AGBL1: variants seen among roughly 807,000 people sequenced by gnomAD.
The protein encoded by AGBL1 is cytosolic carboxypeptidase 4.
A neutral mutation model predicts 118.9 loss-of-function variants in AGBL1; 130 were observed. The observed-to-expected ratio is 1.09, with a 90% CI of 0.95 to 1.26. The LOEUF (loss-of-function observed/expected upper bound fraction) is 1.26. Among genes scored for constraint, AGBL1 ranks in the 50% most tolerant of loss-of-function variants. The pLI is 0.00. For synonymous variants in AGBL1, 555 were observed against 478.9 expected, an observed-to-expected ratio of 1.16 and a Z score of -2.08; for missense variants, 1,584 against 1,298.1, an observed-to-expected ratio of 1.22 and a Z score of -3.38.
At chr15:86,509,209 T>G (rs1412243149) in intron 18 of AGBL1, among the ~76,000 whole-genome samples, 1 of 152,072 alleles carries the variant, frequency 6.6e-6, no homozygotes, top group Admixed American at 6.6e-5. Flanking sequence ...TGCTACAGAT[T>G]GTAGTCAAAG....
At chr15:86,577,242 G>A (rs577611702) in intron 21 of AGBL1, among the ~76,000 whole-genome samples, 1 of 152,236 alleles carries the variant, frequency 6.6e-6, no homozygotes, top group African/African-American at 2.4e-5. Context: ...TGGAGCAAAA[G>A]TGACTCTTGT....
At chr15:87,008,096 G>A (rs1268435704) in intron 24 of AGBL1, among the ~76,000 whole-genome samples, 1 of 152,214 alleles carries the variant, frequency 6.6e-6, no homozygotes, top group African/African-American at 2.4e-5. Context: ...TAGCTGGTAA[G>A]GCATTATTTC....
At chr15:86,950,590 C>A (rs532826975) in intron 23 of AGBL1, among the ~76,000 whole-genome samples, 2 of 151,238 alleles carry the variant, frequency 1.3e-5, no homozygotes, top group East Asian at 3.9e-4. Flanking sequence ...TTAAGCTCTA[C>A]TAAAATTAAG....
chr15:86,239,333 G>A lies in AGBL1; in HGVS notation c.527-8338G>A, dbSNP rs115957856. Among the ~76,000 whole-genome samples, 392 of 152,292 alleles carry A rather than the reference G, an allele frequency of 2.6e-3. 1 individual carries two copies. The highest frequency in any genetic ancestry group is 8.9e-3 in the African/African-American group (371 of 41,560). On this transcript the variant is annotated intron_variant, in intron 6 of 22. Coordinates refer to ENST00000614907, the MANE Select transcript of AGBL1 (RefSeq NM_001386094.1). ...TTTTACAAAGAGAAAAAAAGTACCC[G>A]AAAGCTAATTCAAAACCATCATTCT...
intron 22 of AGBL1, among the ~76,000 whole-genome samples, chr15:86,788,194 G>C (rs757134864): frequency 6.6e-6 from 1 of 152,238 alleles, no homozygotes; most frequent in Non-Finnish European, 1.5e-5. Flanking sequence ...GAAGGACTTA[G>C]ATGCTTTCTT....
chr15:86,437,822 C>T (rs1168991408), intron 18 of AGBL1, among the ~76,000 whole-genome samples: 1 of 152,130 alleles, frequency 6.6e-6, no homozygotes, highest in Non-Finnish European at 1.5e-5. Context: ...GAGGTCAAAC[C>T]CAGCCTCTCT....
At chr15:86,208,176 G>A (rs1306475815) in intron 5 of AGBL1, among the ~76,000 whole-genome samples, 2 of 152,154 alleles carry the variant, frequency 1.3e-5, no homozygotes, top group Admixed American at 6.5e-5. Context: ...AAGCCTACTT[G>A]ATCATGGTGG....
chr15:86,437,693 GTTAGGCT>G (rs1439181631), intron 18 of AGBL1, among the ~76,000 whole-genome samples: 1 of 152,096 alleles, frequency 6.6e-6, no homozygotes, highest in Admixed American at 6.5e-5. Context: ...CAGGATGGAG[GTTAGGCT>G]TTAAAAAGTG....
In AGBL1 at chr15:86,165,732, G is replaced by T. The variant is rs1319462747; in HGVS notation, c.488+6706G>T. Reference sequence around the variant, plus strand: ...CAGTGGGGCTTCACTCTATGTCTCAGCACTTTCTGCTTGTACCTTGTCTCC... The same window carrying T: ...CAGTGGGGCTTCACTCTATGTCTCATCACTTTCTGCTTGTACCTTGTCTCC... On this transcript the variant is annotated intron_variant, in intron 5 of 22. Coordinates refer to ENST00000614907, the MANE Select transcript of AGBL1 (RefSeq NM_001386094.1). 2.6e-5 allele frequency among the ~76,000 whole-genome samples: 4 copies of T among 152,138 alleles called. No individual in the cohort carries two copies. In the East Asian group the frequency reaches 7.7e-4, roughly 29 times the overall value.
intron 1 of AGBL1, among the ~76,000 whole-genome samples, chr15:86,114,843 A>G (rs1897657000): frequency 6.6e-6 from 1 of 152,174 alleles, no homozygotes; most frequent in Admixed American, 6.5e-5. Context: ...CCAACGCTAC[A>G]AGTCTGTTTC....
chr15:86,126,127 AT>A (rs977933959), intron 1 of AGBL1, among the ~76,000 whole-genome samples: 6 of 151,366 alleles, frequency 4.0e-5, no homozygotes, highest in South Asian at 2.1e-4. Context: ...CTTGGAAGCT[AT>A]TTTTTTTCTA....
In AGBL1 at chr15:86,972,474, G is replaced by A. The variant is rs137985209; in HGVS notation, c.3222-15513G>A. 2.2e-4 allele frequency among the ~76,000 whole-genome samples: 33 copies of A among 152,050 alleles called. No homozygotes were observed. In the East Asian group the frequency reaches 2.9e-3, roughly 13 times the overall value. On this transcript the variant is annotated intron_variant, in intron 23 of 24. Transcript: ENST00000441037. Reference sequence around the variant, plus strand: ...TAAAGATATGTATTTCAAACAAAGCGTTTTTTATTTACTGAAATTATTAAA... The same window carrying A: ...TAAAGATATGTATTTCAAACAAAGCATTTTTTATTTACTGAAATTATTAAA...
intron 18 of AGBL1, among the ~76,000 whole-genome samples, chr15:86,509,955 T>G (rs2142175925): frequency 2.0e-5 from 3 of 151,782 alleles, no homozygotes; most frequent in African/African-American, 7.2e-5. Context: ...CATTTTTTTT[T>G]TTTTTTCCTG....
intron 17 of AGBL1, among the ~76,000 whole-genome samples, chr15:86,339,561 G>C (rs2080428267): frequency 6.6e-6 from 1 of 151,950 alleles, no homozygotes; most frequent in Non-Finnish European, 1.5e-5. Flanking sequence ...GTTCAGATTA[G>C]GTAATTTTTA....
chr15:86,753,673 C>T (rs752020165), intron 22 of AGBL1, among the ~76,000 whole-genome samples: 56 of 152,112 alleles, frequency 3.7e-4, no homozygotes, highest in Non-Finnish European at 6.2e-4. Flanking sequence ...GCTGGGAGTA[C>T]AGGCGTAAGC....
intron 17 of AGBL1, among the ~76,000 whole-genome samples, chr15:86,338,837 G>C (rs1305333880): frequency 2.0e-5 from 3 of 152,086 alleles, no homozygotes; most frequent in Non-Finnish European, 4.4e-5. Flanking sequence ...GGATCTCCTT[G>C]CTCTGCTCTC....
intron 18 of AGBL1, among the ~76,000 whole-genome samples, chr15:86,446,678 A>G (rs1342361978): frequency 6.6e-6 from 1 of 152,198 alleles, no homozygotes; most frequent in Non-Finnish European, 1.5e-5. Flanking sequence ...ACTCCCCTTA[A>G]AGATGCAACT....
At chr15:86,863,148 A>G (rs1457272445) in intron 22 of AGBL1, among the ~76,000 whole-genome samples, 1 of 152,214 alleles carries the variant, frequency 6.6e-6, no homozygotes, top group Non-Finnish European at 1.5e-5. Flanking sequence ...ATGTGGATAT[A>G]TGGGTGCTGC....
At chr15:86,836,231 A>T (rs903949232) in intron 22 of AGBL1, among the ~76,000 whole-genome samples, 1 of 152,184 alleles carries the variant, frequency 6.6e-6, no homozygotes, top group Non-Finnish European at 1.5e-5. Flanking sequence ...CCAATAGCTT[A>T]TTTGTTCAAT....
Sources: gnomAD v4.1 joint callset for allele counts (sites outside exome capture counted in the v4.1 genomes callset) on GRCh38, gnomAD v4.1.1 for gene constraint, MANE v1.5 for transcripts, NCBI Gene and HGNC (gene_info 2026-07-23, HGNC 2026-07-21) for gene names.